The following DNAJC24 variants were observed in gnomAD, a reference collection of about 807,000 sequenced individuals.
DNAJC24 encodes the protein DnaJ heat shock protein family (Hsp40) member C24, also known as dnaJ homolog subfamily C member 24.
Under a neutral mutation model 18.0 loss-of-function variants are expected in DNAJC24, and 17 were observed. The ratio of observed to expected loss-of-function variants is 0.94; its 90% CI spans 0.65 to 1.42. DNAJC24 has a LOEUF of 1.42. Among genes scored for constraint, DNAJC24 ranks in the 40% most tolerant of loss-of-function variants. The pLI, the probability that DNAJC24 is intolerant of heterozygous loss-of-function variation, is 0.00. For synonymous variants in DNAJC24, 55 were observed against 57.7 expected (o/e 0.95, Z 0.21); for missense variants, 158 against 175.6 (o/e 0.90, Z 0.57).
chr11:31,423,885 A>G (rs2133504500), intron 3 of DNAJC24, among the ~76,000 whole-genome samples: 1 of 152,280 alleles, frequency 6.6e-6, no homozygotes, highest in Middle Eastern at 3.4e-3. Context: ...ACCATGAGAT[A>G]TGGTCTAACT....
In DNAJC24 at chr11:31,418,173, C is replaced by T. The variant is rs530822452; in HGVS notation, c.250+3224C>T. Among the ~76,000 whole-genome samples the T allele has an allele frequency of 4.6e-5, 7 of 152,168 alleles. No individual in the cohort carries two copies. In the South Asian group the frequency reaches 1.5e-3, roughly 32 times the overall value. ...TTAAACTTATTGTTTCTGAGGATGC[C>T]TCCAAAGGCTGCTTCCAGTGTTCCC... is the stretch of plus-strand genomic sequence containing the variant. On this transcript the variant is annotated intron_variant, in intron 3 of 4. Coordinates refer to ENST00000465995, the MANE Select transcript of DNAJC24 (RefSeq NM_181706.5).
chr11:31,411,206 C>A (rs1259465301), intron 2 of DNAJC24, among the ~76,000 whole-genome samples: 1 of 152,088 alleles, frequency 6.6e-6, no homozygotes, highest in Non-Finnish European at 1.5e-5. Context: ...AGTCTTTAAA[C>A]CTAGGATTAG....
At position 31,430,509 on chromosome 11, in the gene DNAJC24, C is replaced by T. The variant is rs1482684119; in HGVS notation, c.*108C>T. 1.4e-5 allele frequency: 13 copies of T among 942,086 alleles called. No individual in the cohort carries two copies. The East Asian group carries it at 3.4e-4, about 25-fold the overall frequency. 58.4% of individuals were successfully genotyped at this position (942,086 alleles called of 1,614,324 possible). A position where few individuals can be genotyped will look rare whatever the true frequency, so the allele number is the denominator to read the frequency against. On this transcript the variant is annotated 3_prime_UTR_variant, in exon 5 of 5. Transcript: ENST00000465995. ...GATTATTTGTCAGCCCGATTATTTG[C>T]AAAGAAAATATACAATTATCAAGCA... is the stretch of plus-strand genomic sequence containing the variant.
chr11:31,409,894 T>C lies in DNAJC24; in HGVS notation c.112-4917T>C, dbSNP rs941564828. Among the ~76,000 whole-genome samples the C allele has an allele frequency of 2.6e-5, 4 of 151,584 alleles. No homozygotes were observed. The South Asian group carries it at 6.3e-4, about 24-fold the overall frequency. ...AGCATTTTTTTTTCTTTTTCTTTTT[T>C]TTTTTTTTGAGACAGAGGCTTGCTG... On this transcript the variant is annotated intron_variant, in intron 2 of 4. Coordinates refer to ENST00000465995, the MANE Select transcript of DNAJC24 (RefSeq NM_181706.5).
intron 3 of DNAJC24, 161 bp downstream of exon 3, chr11:31,415,110 T>A: frequency 1.4e-6 from 1 of 724,338 alleles, no homozygotes; most frequent in Non-Finnish European, 2.1e-6. Flanking sequence ...TTCTTAGCAG[T>A]GACTATTGTG....
chr11:31,394,890 A>C (rs1172943340), intron 2 of DNAJC24, among the ~76,000 whole-genome samples: 1 of 152,090 alleles, frequency 6.6e-6, no homozygotes, highest in East Asian at 1.9e-4. Flanking sequence ...AACAAACAAA[A>C]AGCTGTTTTG....
chr11:31,375,994 GCTCTCA>G (rs1952309833), intron 2 of DNAJC24, among the ~76,000 whole-genome samples: 2 of 123,104 alleles, frequency 1.6e-5, no homozygotes, highest in African/African-American at 2.6e-5. Flanking sequence ...TTGAATTGTA[GCTCTCA>G]TAGTTCCCAT....
At chr11:31,377,634 G>C (rs902078036) in intron 2 of DNAJC24, among the ~76,000 whole-genome samples, 1 of 151,974 alleles carries the variant, frequency 6.6e-6, no homozygotes, top group Non-Finnish European at 1.5e-5. Flanking sequence ...AAATGGTCTA[G>C]GGTCCAGAAT....
At chr11:31,428,718 T>C (rs1952889810) in intron 4 of DNAJC24, among the ~76,000 whole-genome samples, 2 of 152,206 alleles carry the variant, frequency 1.3e-5, no homozygotes, top group Non-Finnish European at 2.9e-5. Context: ...TTACAGTTAG[T>C]CTGTTATATG....
At position 31,414,794 on chromosome 11, in the gene DNAJC24, T is replaced by A. The variant is rs1390087518; in HGVS notation, c.112-17T>A. The A allele has an allele frequency of 1.2e-6, 2 of 1,611,152 alleles. No individual in the cohort carries two copies. Among genetic ancestry groups the A allele is most frequent in the Admixed American group, 3.3e-5 (2 of 59,722 alleles). ...CTCTCTCTACTCACCCCCTGCACCC[T>A]TCTTTTTGATTGGCAGTATCATCCA... On this transcript the variant is annotated splice_polypyrimidine_tract_variant and intron_variant, in intron 2 of 4. Transcript: ENST00000465995.
At chr11:31,370,127 T>TAGAG (rs1164791973) in intron 1 of DNAJC24, among the ~76,000 whole-genome samples, 1 of 152,170 alleles carries the variant, frequency 6.6e-6, no homozygotes, top group Non-Finnish European at 1.5e-5. Flanking sequence ...CATCCTCGCG[T>TAGAG]AGAGAGTTTC....
At chr11:31,420,684 G>A (rs1390796499) in intron 3 of DNAJC24, among the ~76,000 whole-genome samples, 1 of 151,982 alleles carries the variant, frequency 6.6e-6, no homozygotes, top group Non-Finnish European at 1.5e-5. Context: ...ATTAATACCT[G>A]TTTTTCAGAG....
intron 2 of DNAJC24, among the ~76,000 whole-genome samples, chr11:31,376,508 G>T (rs1023874115): frequency 6.6e-6 from 1 of 152,154 alleles, no homozygotes; most frequent in African/African-American, 2.4e-5. Context: ...GTACTTAGCA[G>T]TTTACAAATG....
chr11:31,390,545 A>C (rs767381576), intron 2 of DNAJC24, among the ~76,000 whole-genome samples: 23 of 151,756 alleles, frequency 1.5e-4, no homozygotes, highest in Admixed American at 5.3e-4. Flanking sequence ...GTCTCTACTA[A>C]AAATACAAAA....
chr11:31,428,106 C>G (rs1591924806), intron 4 of DNAJC24: 1 of 151,614 alleles, frequency 6.6e-6, no homozygotes, highest in Non-Finnish European at 1.5e-5. Context: ...TCAATAAATA[C>G]ATGGACTTTC....
In DNAJC24 at chr11:31,373,585, G is replaced by A. The variant is rs560595745; in HGVS notation, c.111+2726G>A. 2.6e-4 allele frequency among the ~76,000 whole-genome samples: 35 copies of A among 134,964 alleles called. 8 individuals carry two copies. The highest frequency in any genetic ancestry group is 5.7e-4 in the Non-Finnish European group (33 of 58,380). 88.5% of individuals were successfully genotyped at this position (134,964 alleles called of 152,430 possible). On this transcript the variant is annotated intron_variant, in intron 2 of 4. Coordinates refer to ENST00000465995, the MANE Select transcript of DNAJC24 (RefSeq NM_181706.5). ...CAGTTTATTTCGGTTATTCTAGTTT[G>A]CTTATATTTCCACAGAAATTTTAGA... is the stretch of plus-strand genomic sequence containing the variant.
intron 2 of DNAJC24, among the ~76,000 whole-genome samples, chr11:31,390,042 G>A (rs569235670): frequency 1.3e-5 from 2 of 152,082 alleles, no homozygotes; most frequent in Non-Finnish European, 2.9e-5. Context: ...AGCAATAGGT[G>A]CCCACATGAA....
chr11:31,399,739 C>CTTTTTTT (rs757871094), intron 2 of DNAJC24, among the ~76,000 whole-genome samples: 65 of 96,992 alleles, frequency 6.7e-4, no homozygotes, highest in Non-Finnish European at 9.3e-4. Context: ...ACTGTTTTTT[C>CTTTTTTT]TTTTTTTTTT....
intron 2 of DNAJC24, chr11:31,396,464 T>G: frequency 3.2e-6 from 1 of 310,066 alleles, no homozygotes. Context: ...TCAAAAAGGT[T>G]AAGACAGACT....
Sources: gnomAD v4.1 joint callset for allele counts (sites outside exome capture counted in the v4.1 genomes callset) on GRCh38, gnomAD v4.1.1 for gene constraint, MANE v1.5 for transcripts, NCBI Gene and HGNC (gene_info 2026-07-23, HGNC 2026-07-21) for gene names.